BCAS1: variants seen among roughly 807,000 people sequenced by gnomAD.
BCAS1 encodes breast carcinoma-amplified sequence 1.
BCAS1 carries 46 observed loss-of-function variants against 65.4 expected under a neutral mutation model. That is an observed-to-expected ratio of 0.70 (90% CI 0.55 to 0.90). The LOEUF is 0.90. BCAS1 is among the 40% of genes least tolerant of loss of function. BCAS1 has a pLI of 0.00. For missense variants in BCAS1, 793 were observed against 771.2 expected, an observed-to-expected ratio of 1.03 and a Z score of -0.33; for synonymous variants, 298 against 293.5, an observed-to-expected ratio of 1.02 and a Z score of -0.16.
intron 1 of BCAS1, among the ~76,000 whole-genome samples, chr20:54,061,172 G>T (rs2092372454): frequency 1.3e-5 from 2 of 152,222 alleles, no homozygotes; most frequent in Admixed American, 6.5e-5. Context: ...ACTCGAGGGG[G>T]TTAAATCATT....
chr20:54,002,023 G>A (rs2091067164), intron 4 of BCAS1, among the ~76,000 whole-genome samples: 1 of 150,488 alleles, frequency 6.6e-6, no homozygotes, highest in South Asian at 2.1e-4. Context: ...CTGTGTAAAT[G>A]CCTTTCTGGT....
rs140501968 is a variant in BCAS1, at chr20:53,969,640, G to C, written c.1318-2567C>G. Among the ~76,000 whole-genome samples the C allele has an allele frequency of 2.5e-3, 386 of 152,254 alleles. 2 individuals are homozygous for C. Among genetic ancestry groups the C allele is most frequent in the African/African-American group, 9.1e-3 (379 of 41,536 alleles). On this transcript the variant is annotated intron_variant, in intron 9 of 12. Coordinates refer to ENST00000688948, the MANE Select transcript of BCAS1 (RefSeq NM_001366298.2). ...GGAACAAGAAGTTCTGGGGTTGGTT[G>C]AGTGGCTCCACAATATCTCTAACAA...
chr20:53,965,275 GGTTTTGTTTT>G (rs200721069), intron 10 of BCAS1, among the ~76,000 whole-genome samples: 1 of 152,102 alleles, frequency 6.6e-6, no homozygotes, highest in Non-Finnish European at 1.5e-5. Flanking sequence ...CATTGGCAAG[GGTTTTGTTTT>G]GTTTTGTTTT....
At chr20:53,961,939 T>C (rs1439111669) in intron 10 of BCAS1, among the ~76,000 whole-genome samples, 1 of 146,464 alleles carries the variant, frequency 6.8e-6, no homozygotes, top group African/African-American at 2.5e-5. Flanking sequence ...AATGAGATAC[T>C]GCGTGCAAAG....
At chr20:53,982,301 A>G (rs1360789010) in intron 8 of BCAS1, among the ~76,000 whole-genome samples, 1 of 152,244 alleles carries the variant, frequency 6.6e-6, no homozygotes, top group African/African-American at 2.4e-5. Flanking sequence ...CAATTTACTC[A>G]GAACAATAAA....
At chr20:53,995,369 G>C (rs562669665) in intron 5 of BCAS1, among the ~76,000 whole-genome samples, 2 of 152,172 alleles carry the variant, frequency 1.3e-5, no homozygotes, top group East Asian at 3.9e-4. Context: ...GCAACCCTCT[G>C]GTGTTTGTGG....
chr20:54,029,518 G>C (rs1481174188), intron 3 of BCAS1, among the ~76,000 whole-genome samples: 1 of 152,202 alleles, frequency 6.6e-6, no homozygotes, highest in Non-Finnish European at 1.5e-5. Flanking sequence ...ATTGCTAAAT[G>C]TCCCCTGGAG....
At chr20:54,063,919 T>C (rs1464470733) in intron 1 of BCAS1, among the ~76,000 whole-genome samples, 2 of 152,236 alleles carry the variant, frequency 1.3e-5, no homozygotes, top group Non-Finnish European at 2.9e-5. Context: ...ATGCCCTTTC[T>C]TTCATGAACT....
At chr20:53,983,193 T>G (rs943694617) in intron 8 of BCAS1, among the ~76,000 whole-genome samples, 1 of 152,140 alleles carries the variant, frequency 6.6e-6, no homozygotes, top group African/African-American at 2.4e-5. Flanking sequence ...GGCAATAGTT[T>G]AGCAGCTTTC....
At chr20:54,005,542 A>G (rs1369714209) in intron 4 of BCAS1, among the ~76,000 whole-genome samples, 1 of 152,214 alleles carries the variant, frequency 6.6e-6, no homozygotes, top group Non-Finnish European at 1.5e-5. Context: ...GGGTCTCAGC[A>G]TAACTGGATT....
intron 3 of BCAS1, among the ~76,000 whole-genome samples, chr20:54,033,194 G>A (rs1471173889): frequency 6.6e-6 from 1 of 151,092 alleles, no homozygotes; most frequent in Non-Finnish European, 1.5e-5. Context: ...ACATCAAAAA[G>A]TTAGAAAGAG....
intron 4 of BCAS1, among the ~76,000 whole-genome samples, chr20:54,005,635 G>A (rs1176438012): frequency 2.0e-5 from 3 of 152,148 alleles, no homozygotes; most frequent in African/African-American, 4.8e-5. Context: ...TTTTGGAGGC[G>A]AGGCTCAGAT....
At chr20:53,993,534 G>C (rs890568886) in intron 6 of BCAS1, among the ~76,000 whole-genome samples, 1 of 152,184 alleles carries the variant, frequency 6.6e-6, no homozygotes, top group Non-Finnish European at 1.5e-5. Context: ...GATTTTATCA[G>C]CTGGGTACGT....
chr20:53,960,572 G>A (rs2089848883), intron 10 of BCAS1, among the ~76,000 whole-genome samples: 1 of 150,376 alleles, frequency 6.6e-6, no homozygotes, highest in African/African-American at 2.4e-5. Flanking sequence ...CTGTATGTAT[G>A]CAAAGGTGAC....
intron 6 of BCAS1, 85 bp downstream of exon 6, chr20:53,994,919 ATATGTATT>A: frequency 9.9e-7 from 1 of 1,011,142 alleles, no homozygotes; most frequent in Non-Finnish European, 1.5e-6. Context: ...ACACACACAT[ATATGTATT>A]CAAAAAACAA....
intron 8 of BCAS1, among the ~76,000 whole-genome samples, chr20:53,980,082 T>C (rs554949923): frequency 3.0e-4 from 46 of 152,262 alleles, no homozygotes; most frequent in Non-Finnish European, 6.2e-4. Flanking sequence ...TGGGTCTCAG[T>C]TAAAATCTTG....
At chr20:54,038,523 C>G (rs2091936585) in intron 3 of BCAS1, among the ~76,000 whole-genome samples, 1 of 151,264 alleles carries the variant, frequency 6.6e-6, no homozygotes. Context: ...AAACACTCCA[C>G]AAAGGACCAT....
intron 7 of BCAS1, among the ~76,000 whole-genome samples, chr20:53,989,254 C>T (rs912151277): frequency 2.0e-5 from 3 of 152,028 alleles, no homozygotes; most frequent in African/African-American, 7.3e-5. Flanking sequence ...AGGGAAGTGA[C>T]CAATTTTTTT....
chr20:54,022,508 G>A (rs2091583858), intron 4 of BCAS1, among the ~76,000 whole-genome samples: 1 of 152,052 alleles, frequency 6.6e-6, no homozygotes, highest in Non-Finnish European at 1.5e-5. Context: ...AAACCCCTAG[G>A]GCAGGTAGTA....
Sources: allele counts gnomAD v4.1 joint callset (sites outside exome capture counted in the v4.1 genomes callset), GRCh38; gene constraint gnomAD v4.1.1; transcripts MANE v1.5; gene names NCBI Gene and HGNC (gene_info 2026-07-23, HGNC 2026-07-21).